Variants in SLC14A2 observed in about 807,000 individuals in gnomAD.
SLC14A2 encodes the protein urea transporter 2.
In SLC14A2, 91 loss-of-function variants were observed where a neutral mutation model predicts 104.6. The observed-to-expected ratio is 0.87, with a 90% CI of 0.73 to 1.04. The LOEUF (loss-of-function observed/expected upper bound fraction) is 1.04. Among genes scored for constraint, SLC14A2 ranks in the 50% least tolerant of loss-of-function variants. The pLI, the probability that SLC14A2 is intolerant of heterozygous loss-of-function variation, is 0.00. For synonymous variants in SLC14A2, 476 were observed against 466.4 expected, an observed-to-expected ratio of 1.02 and a Z score of -0.27; for missense variants, 1,189 against 1,156.0, an observed-to-expected ratio of 1.03 and a Z score of -0.41.
intron 1 of SLC14A2, among the ~76,000 whole-genome samples, chr18:45,338,717 T>C (rs1012345648): frequency 2.2e-5 from 3 of 133,370 alleles, no homozygotes; most frequent in Admixed American, 7.4e-5. Context: ...AAAAAACTCT[T>C]TATTTACAGA....
At chr18:45,249,349 T>C (rs2084398939) in intron 1 of SLC14A2, among the ~76,000 whole-genome samples, 1 of 152,010 alleles carries the variant, frequency 6.6e-6, no homozygotes, top group Non-Finnish European at 1.5e-5. Context: ...TGTGTGTGTG[T>C]GCCTGTGTGT....
intron 11 of SLC14A2, among the ~76,000 whole-genome samples, chr18:45,665,766 C>G (rs182482785): frequency 1.5e-5 from 2 of 134,028 alleles, no homozygotes; most frequent in African/African-American, 5.8e-5. Flanking sequence ...CCCTGGATTC[C>G]GGGATCAAGC....
intron 2 of SLC14A2, among the ~76,000 whole-genome samples, chr18:45,554,809 G>A (rs1441594922): frequency 1.3e-5 from 2 of 152,142 alleles, no homozygotes; most frequent in African/African-American, 4.8e-5. Context: ...CTACTTTAGG[G>A]AAAGATCTCT....
At chr18:45,414,760 AT>A (rs1568190181) in intron 1 of SLC14A2, among the ~76,000 whole-genome samples, 8,052 of 53,576 alleles carry the variant, frequency 0.15, 526 homozygotes, top group Non-Finnish European at 0.21. Context: ...AAAAAAAAAT[AT>A]ATATATATAT....
rs545026806 is a variant in SLC14A2 at position 45,567,113 on chromosome 18, A to T, written c.-34-57518A>T. ...GTGTGTGTGTGTAACTCACAAGGAG[A>T]AAAAGGACCAGGGAGCAAGGCTGAC... On this transcript the variant is annotated intron_variant, in intron 2 of 20. Transcript: ENST00000586448. Among the ~76,000 whole-genome samples the T allele has an allele frequency of 2.0e-5, 3 of 150,102 alleles. No individual in the cohort carries two copies. The East Asian group carries it at 6.1e-4, about 31-fold the overall frequency.
chr18:45,682,209 C>A (rs2046320580), intron 19 of SLC14A2, 110 bp from the exon 20 acceptor site: 1 of 872,844 alleles, frequency 1.1e-6, no homozygotes, highest in Non-Finnish European at 1.9e-6. Flanking sequence ...AGTATCAATG[C>A]CCTCAAAGCA....
chr18:45,489,822 T>A (rs577270310), intron 2 of SLC14A2: 24 of 152,330 alleles, frequency 1.6e-4, no homozygotes, highest in Admixed American at 1.4e-3. Flanking sequence ...TTGTCTCAGA[T>A]CACATAGAGA....
chr18:45,676,939 A>C (rs1398517186), intron 18 of SLC14A2, among the ~76,000 whole-genome samples: 1 of 152,214 alleles, frequency 6.6e-6, no homozygotes, highest in Non-Finnish European at 1.5e-5. Flanking sequence ...CAGTAAAAAA[A>C]TCCAAGCCCA....
At chr18:45,486,984 C>T (rs2087619548) in intron 2 of SLC14A2, among the ~76,000 whole-genome samples, 1 of 152,180 alleles carries the variant, frequency 6.6e-6, no homozygotes, top group Non-Finnish European at 1.5e-5. Context: ...AAGATGACTC[C>T]TAAGGGACTG....
At chr18:45,170,651 A>C in the SLC14A2 span, among the ~76,000 whole-genome samples, 1 of 152,196 alleles carries the variant, frequency 6.6e-6, no homozygotes, top group African/African-American at 2.4e-5. Flanking sequence ...TTTTCAATTC[A>C]CTAGAAATAG....
chr18:45,463,522 G>A (rs2542993), intron 1 of SLC14A2, among the ~76,000 whole-genome samples: 38,097 of 152,192 alleles, frequency 0.25, 4,805 homozygotes, highest in Non-Finnish European at 0.27. Context: ...GAAAAGCAAG[G>A]CCATTTATCT....
At chr18:45,251,201 C>T (rs1445406391) in intron 1 of SLC14A2, among the ~76,000 whole-genome samples, 1 of 152,110 alleles carries the variant, frequency 6.6e-6, no homozygotes, top group East Asian at 1.9e-4. Context: ...CTCTGAGTCC[C>T]CAAAGTCCAT....
intron 18 of SLC14A2, among the ~76,000 whole-genome samples, chr18:45,674,214 G>C (rs141735474): frequency 1.7e-4 from 26 of 152,320 alleles, no homozygotes; most frequent in African/African-American, 6.3e-4. Context: ...CAAGTTGGTA[G>C]ATTTGTATGT....
At chr18:45,267,054 T>C (rs977658232) in intron 1 of SLC14A2, among the ~76,000 whole-genome samples, 1 of 152,178 alleles carries the variant, frequency 6.6e-6, no homozygotes, top group African/African-American at 2.4e-5. Context: ...CCAATCATAC[T>C]AGTAATGCAT....
chr18:45,544,698 ATAT>A (rs1177170821), intron 2 of SLC14A2, among the ~76,000 whole-genome samples: 10 of 151,182 alleles, frequency 6.6e-5, no homozygotes, highest in Non-Finnish European at 1.5e-4. Flanking sequence ...TATAAAAATG[ATAT>A]TATGATTTTT....
At chr18:45,194,544 A>C in the SLC14A2 span, among the ~76,000 whole-genome samples, 1 of 151,610 alleles carries the variant, frequency 6.6e-6, no homozygotes, top group African/African-American at 2.4e-5. Context: ...GGTAAACTCC[A>C]TTTGGTCATG....
At chr18:45,212,640 A>G (rs1379433826), upstream of SLC14A2, among the ~76,000 whole-genome samples, 1 of 152,150 alleles carries the variant, frequency 6.6e-6, no homozygotes, top group Non-Finnish European at 1.5e-5. Context: ...GCACATGTGT[A>G]TTATTATATT....
intron 2 of SLC14A2, among the ~76,000 whole-genome samples, chr18:45,571,012 A>G (rs961622310): frequency 3.3e-5 from 5 of 152,188 alleles, no homozygotes; most frequent in African/African-American, 1.2e-4. Context: ...GTAAAACTTG[A>G]GACTTTGGAG....
intron 13 of SLC14A2, among the ~76,000 whole-genome samples, chr18:45,667,381 T>C (rs2046043348): frequency 2.0e-5 from 3 of 152,136 alleles, no homozygotes; most frequent in Admixed American, 2.0e-4. Context: ...CAGACAGGTG[T>C]TTTTCGCATT....
Sources: allele counts gnomAD v4.1 joint callset (sites outside exome capture counted in the v4.1 genomes callset), GRCh38; gene constraint gnomAD v4.1.1; transcripts MANE v1.5; gene names NCBI Gene and HGNC (gene_info 2026-07-23, HGNC 2026-07-21).